The following DHX32 variants were observed in gnomAD, a reference collection of about 807,000 sequenced individuals.
DHX32 encodes the protein putative pre-mRNA-splicing factor ATP-dependent RNA helicase DHX32.
DHX32 carries 51 observed loss-of-function variants against 70.0 expected under a neutral mutation model. That is an observed-to-expected ratio of 0.73 (90% CI 0.58 to 0.92). DHX32 has a LOEUF of 0.92. Among genes scored for constraint, DHX32 ranks in the 40% least tolerant of loss-of-function variants. The pLI is 0.00. For synonymous variants in DHX32, 310 were observed against 315.3 expected (o/e 0.98, Z 0.18); for missense variants, 762 against 891.8 (o/e 0.85, Z 1.85).
At chr10:125,870,456 C>A (rs1227977364) in intron 1 of DHX32, among the ~76,000 whole-genome samples, 1 of 152,138 alleles carries the variant, frequency 6.6e-6, no homozygotes, top group Non-Finnish European at 1.5e-5. Flanking sequence ...AGTATAATTG[C>A]CACTACATCA....
At chr10:125,876,105 C>T (rs1302901131) in intron 1 of DHX32, among the ~76,000 whole-genome samples, 2 of 152,214 alleles carry the variant, frequency 1.3e-5, no homozygotes, top group Non-Finnish European at 2.9e-5. Context: ...CCAGTAACTC[C>T]TCTGTTGTCC....
Position 125,836,399 on chromosome 10 carries a change from C to T in DHX32, c.*288G>A. On this transcript the variant is annotated 3_prime_UTR_variant, in exon 11 of 11. Coordinates refer to ENST00000284690, the MANE Select transcript of DHX32 (RefSeq NM_018180.3). The stretch of plus-strand genomic sequence containing the variant: ...CTCTACAAAAAGTAGGGTTCTGTCC[C>T]ATGTGTCTCTGACACATTTACAAAA... The T allele has an allele frequency of 1.3e-6, 2 of 1,514,996 alleles. No homozygotes were observed. The highest frequency in any genetic ancestry group is 8.8e-7 in the Non-Finnish European group (1 of 1,136,120). The allele number at this position is 1,514,996 out of a possible 1,614,324, so 93.8% of individuals were successfully genotyped here. A position where few individuals can be genotyped will look rare whatever the true frequency, so the allele number is the denominator to read the frequency against.
intron 3 of DHX32, among the ~76,000 whole-genome samples, chr10:125,855,448 GTT>G (rs777479193): frequency 1.6e-4 from 20 of 121,434 alleles, no homozygotes; most frequent in African/African-American, 4.4e-4. Flanking sequence ...AAGATAAACT[GTT>G]TTTTTTTTTT....
At chr10:125,863,598 C>T (rs1944202427) in intron 2 of DHX32, among the ~76,000 whole-genome samples, 1 of 152,084 alleles carries the variant, frequency 6.6e-6, no homozygotes, top group Non-Finnish European at 1.5e-5. Flanking sequence ...TAGGCACCTG[C>T]CACCACTCCC....
chr10:125,894,824 T>C (rs919877948), intron 1 of DHX32, among the ~76,000 whole-genome samples: 1 of 152,300 alleles, frequency 6.6e-6, no homozygotes, highest in African/African-American at 2.4e-5. Context: ...ATTTGTATCT[T>C]GAATGAAAAG....
intron 6 of DHX32, chr10:125,842,252 G>C (rs1854902710): frequency 3.3e-6 from 1 of 300,462 alleles, no homozygotes; most frequent in Non-Finnish European, 6.1e-6. Flanking sequence ...GGAGACTAAG[G>C]TGGCCGGAAC....
upstream of DHX32, among the ~76,000 whole-genome samples, chr10:125,883,473 A>G (rs1465381334): frequency 6.6e-6 from 1 of 152,128 alleles, no homozygotes; most frequent in Non-Finnish European, 1.5e-5. Flanking sequence ...CCCACGCCCA[A>G]GCCACCGGGA....
At chr10:125,859,250 G>C (rs1944169515) in intron 3 of DHX32, among the ~76,000 whole-genome samples, 1 of 152,064 alleles carries the variant, frequency 6.6e-6, no homozygotes. Context: ...GGAGGCAGTG[G>C]AGAATGTCAG....
At chr10:125,867,568 C>T (rs1179250883) in intron 1 of DHX32, among the ~76,000 whole-genome samples, 3 of 152,058 alleles carry the variant, frequency 2.0e-5, no homozygotes, top group Admixed American at 6.6e-5. Context: ...AACCCCGTCT[C>T]TACTTAAAAT....
At chr10:125,838,530 A>G in intron 9 of DHX32, 143 bp from the exon 10 acceptor site, 1 of 811,948 alleles carries the variant, frequency 1.2e-6, no homozygotes, top group Non-Finnish European at 1.8e-6. Context: ...CTACTTTCAC[A>G]TGTAGAAAAT....
chr10:125,840,969 T>C lies in DHX32; in HGVS notation c.1571A>G (p.His524Arg), dbSNP rs569247213. 4 of 1,605,254 alleles carry C rather than the reference T, an allele frequency of 2.5e-6. No individual in the cohort carries two copies. In the South Asian group the frequency reaches 3.3e-5, roughly 13 times the overall value. Reference sequence around the variant, plus strand: ...AGTCAAGGCAGCCTCTTCAGCTCCATGTGGCACATGTGAAAAGCAATTTGG... The same window carrying C: ...AGTCAAGGCAGCCTCTTCAGCTCCACGTGGCACATGTGAAAAGCAATTTGG... The part of the protein sequence containing the change: ...TAPNCFSHVP[H>R]GAEEAALTCW... The change falls in exon 8 of 11, where the codon CAT (histidine) becomes CGT (arginine). Residue 524 changes from histidine to arginine, a missense_variant. Around this residue, in one of 3 missense-constraint regions of DHX32, gnomAD observed 366 missense variants for 402.6 expected, o/e 0.91. Transcript: ENST00000284690.
chr10:125,860,068 C>A, intron 2 of DHX32, 93 bp from the exon 3 acceptor site: 2 of 1,186,066 alleles, frequency 1.7e-6, no homozygotes, highest in Non-Finnish European at 1.1e-6. Context: ...ATATTCATTT[C>A]TCTAAATCAG....
intron 1 of DHX32, among the ~76,000 whole-genome samples, chr10:125,894,457 C>T (rs1247339270): frequency 6.6e-6 from 1 of 152,238 alleles, no homozygotes; most frequent in African/African-American, 2.4e-5. Flanking sequence ...TCACAGGTAC[C>T]CTGTCCCCTA....
At chr10:125,854,364 G>A in intron 3 of DHX32, 161 bp from the exon 4 acceptor site, 2 of 533,644 alleles carry the variant, frequency 3.7e-6, no homozygotes, top group Non-Finnish European at 5.9e-6. Flanking sequence ...AAGTAAAGAT[G>A]CACCTAAATG....
chr10:125,849,444 G>A (rs1944062918), intron 6 of DHX32, among the ~76,000 whole-genome samples: 1 of 152,206 alleles, frequency 6.6e-6, no homozygotes, highest in Admixed American at 6.5e-5. Flanking sequence ...ACTGGCCCTG[G>A]AAAGTTGTTT....
intron 1 of DHX32, among the ~76,000 whole-genome samples, chr10:125,871,188 A>G (rs1944253551): frequency 6.6e-6 from 1 of 152,236 alleles, no homozygotes; most frequent in African/African-American, 2.4e-5. Flanking sequence ...TGATAATAGT[A>G]TAAACATTAT....
chr10:125,843,252 C>T (rs759688887), intron 6 of DHX32, among the ~76,000 whole-genome samples: 3 of 152,078 alleles, frequency 2.0e-5, no homozygotes, highest in Non-Finnish European at 2.9e-5. Flanking sequence ...AACCTGTCTG[C>T]TCCTGGGAGT....
At chr10:125,883,850 C>T (rs541195982), upstream of DHX32, among the ~76,000 whole-genome samples, 16 of 152,268 alleles carry the variant, frequency 1.1e-4, no homozygotes, top group Non-Finnish European at 1.8e-4. Context: ...AAGCCAAAGA[C>T]CAGACTGCTC....
chr10:125,884,599 G>A (rs1015343331), upstream of DHX32, among the ~76,000 whole-genome samples: 1 of 152,136 alleles, frequency 6.6e-6, no homozygotes, highest in Non-Finnish European at 1.5e-5. Context: ...ACCTTAACAA[G>A]GTAGAATTAG....
Sources: gnomAD v4.1 joint callset for allele counts (sites outside exome capture counted in the v4.1 genomes callset) on GRCh38, gnomAD v4.1.1 for gene constraint, gnomAD v4.1.1 regional missense constraint, MANE v1.5 for transcripts, NCBI Gene and HGNC (gene_info 2026-07-23, HGNC 2026-07-21) for gene names.